Variants in CACNA1C observed in about 807,000 individuals in gnomAD.
CACNA1C encodes voltage-dependent L-type calcium channel subunit alpha-1C.
In CACNA1C, 30 loss-of-function variants were observed where a neutral mutation model predicts 229.0. That is an observed-to-expected ratio of 0.13 (90% CI 0.10 to 0.18). CACNA1C has a LOEUF of 0.18. Among genes scored for constraint, CACNA1C ranks in the 10% least tolerant of loss-of-function variants. The pLI is 1.00. For synonymous variants in CACNA1C, 1,114 were observed against 1,132.5 expected (o/e 0.98, Z 0.33); for missense variants, 1,658 against 2,845.0 (o/e 0.58, Z 9.49).
intron 6 of CACNA1C, among the ~76,000 whole-genome samples, chr12:2,489,013 A>G (rs1245818688): frequency 2.0e-5 from 3 of 152,250 alleles, no homozygotes; most frequent in Non-Finnish European, 2.9e-5. Context: ...GCCGTGGAGT[A>G]GAAGACCAAA....
chr12:2,596,329 G>T (rs1031932979), intron 20 of CACNA1C: 8 of 222,568 alleles, frequency 3.6e-5, no homozygotes, highest in Non-Finnish European at 6.1e-5. Flanking sequence ...GCCCTCCCTT[G>T]CTCCCAGCAT....
intron 3 of CACNA1C, among the ~76,000 whole-genome samples, chr12:2,333,044 G>A (rs2154515601): frequency 6.6e-6 from 1 of 152,266 alleles, no homozygotes; most frequent in South Asian, 2.1e-4. Flanking sequence ...GCAGCCCCTT[G>A]GACATGTTCC....
chr12:2,003,224 T>C (rs1034300400), intron 1 of CACNA1C, among the ~76,000 whole-genome samples: 2 of 152,186 alleles, frequency 1.3e-5, no homozygotes, highest in African/African-American at 4.8e-5. Flanking sequence ...TGCAGATAAG[T>C]AGGCTTATGA....
intron 3 of CACNA1C, among the ~76,000 whole-genome samples, chr12:2,340,192 T>C (rs1385582784): frequency 6.6e-6 from 1 of 152,260 alleles, no homozygotes; most frequent in African/African-American, 2.4e-5. Flanking sequence ...ATAATGTACA[T>C]AATAACATAT....
At chr12:2,571,377 C>A (rs1303683769) in intron 13 of CACNA1C, among the ~76,000 whole-genome samples, 2 of 152,184 alleles carry the variant, frequency 1.3e-5, no homozygotes, top group East Asian at 3.9e-4. Context: ...ATTCTACTTG[C>A]TCCTCCTGGG....
At chr12:2,292,844 C>T (rs1310710868) in intron 3 of CACNA1C, among the ~76,000 whole-genome samples, 4 of 152,006 alleles carry the variant, frequency 2.6e-5, no homozygotes, top group African/African-American at 7.3e-5. Flanking sequence ...CCATGCCCTG[C>T]GGCACCAGGC....
In CACNA1C at chr12:2,053,148, C is replaced by G. The variant is rs2052796390; in HGVS notation, c.-415C>G. The G allele has an allele frequency of 1.0e-6, 1 of 987,970 alleles. No individual in the cohort carries two copies. The highest frequency in any genetic ancestry group is 1.2e-6 in the Non-Finnish European group (1 of 831,894). 61.2% of individuals were successfully genotyped at this position (987,970 alleles called of 1,614,324 possible). On this transcript the variant is annotated 5_prime_UTR_variant, in exon 1 of 47. Transcript: ENST00000399655. This position sits in a 1 kb window ranked among gnomAD's most constrained non-coding sequence, Gnocchi z 5.8. Reference sequence around the variant, plus strand: ...GCCGGGCAGGGGCCTCAGGAGGACTCGCTGGGAGTGGGCAGAGGCGCCTCG... The same window carrying G: ...GCCGGGCAGGGGCCTCAGGAGGACTGGCTGGGAGTGGGCAGAGGCGCCTCG...
intron 1 of CACNA1C, among the ~76,000 whole-genome samples, chr12:2,110,681 C>A (rs2081296967): frequency 6.6e-6 from 1 of 152,164 alleles, no homozygotes; most frequent in Non-Finnish European, 1.5e-5. Flanking sequence ...GGTAGTTGTG[C>A]CACCCTGTTG....
intron 1 of CACNA1C, chr12:2,004,237 C>A: frequency 6.2e-7 from 1 of 1,609,342 alleles, no homozygotes; most frequent in African/African-American, 1.3e-5. Context: ...CCCCCCGCCT[C>A]CACCCCAACC....
chr12:2,022,890 T>C (rs1311898619), intron 1 of CACNA1C, among the ~76,000 whole-genome samples: 1 of 152,210 alleles, frequency 6.6e-6, no homozygotes, highest in Non-Finnish European at 1.5e-5. Context: ...TGTACTTAAA[T>C]AAATCATTCA....
intron 3 of CACNA1C, among the ~76,000 whole-genome samples, chr12:2,265,918 T>C (rs1354222290): frequency 6.6e-6 from 1 of 152,230 alleles, no homozygotes; most frequent in Middle Eastern, 3.2e-3. Context: ...TCCTGTGTTA[T>C]TTATCTCAGC....
intron 3 of CACNA1C, among the ~76,000 whole-genome samples, chr12:2,168,575 G>A (rs1597931432): frequency 6.6e-6 from 1 of 152,344 alleles, no homozygotes; most frequent in East Asian, 1.9e-4. Flanking sequence ...CAACACAAAT[G>A]AATGCACCAC....
At position 2,505,634 on chromosome 12, in the gene CACNA1C, C is replaced by T. The variant is rs1000473077; in HGVS notation, c.1217+689C>T. Among the ~76,000 whole-genome samples, 3 of 152,276 alleles carry T rather than the reference C, an allele frequency of 2.0e-5. No individual in the cohort carries two copies. In the South Asian group the frequency reaches 6.2e-4, roughly 32 times the overall value. ...GAGCTATGATCGTGCCACTGCACTGCAGCCTGGGCAACATAGCGAGACCCC... is the reference window on the plus strand; with the variant it reads ...GAGCTATGATCGTGCCACTGCACTGTAGCCTGGGCAACATAGCGAGACCCC... On this transcript the variant is annotated intron_variant, in intron 8 of 46. Coordinates refer to ENST00000399655, the MANE Select transcript of CACNA1C (RefSeq NM_000719.7).
Position 2,679,305 on chromosome 12 carries a change from C to G in CACNA1C, c.5092-139C>G. 1 of 631,852 alleles carries G rather than the reference C, an allele frequency of 1.6e-6. No individual in the cohort carries two copies. The highest frequency in any genetic ancestry group is 3.0e-5 in the Admixed American group (1 of 33,826). 39.1% of individuals were successfully genotyped at this position (631,852 alleles called of 1,614,324 possible). A position where few individuals can be genotyped will look rare whatever the true frequency, so the allele number is the denominator to read the frequency against. Reference sequence around the variant, plus strand: ...AAGGTCCTCAGGTGCTCCTGGCTCCCAGCAGGGCTGTGCCTACCCGAAAGA... The same window carrying G: ...AAGGTCCTCAGGTGCTCCTGGCTCCGAGCAGGGCTGTGCCTACCCGAAAGA... On this transcript the variant is annotated intron_variant, in intron 41 of 46. Transcript: ENST00000399655. This position sits in a 1 kb window ranked among gnomAD's most constrained non-coding sequence, Gnocchi z 5.5.
At chr12:2,660,398 C>T (rs1025399922) in intron 34 of CACNA1C, 4 of 152,286 alleles carry the variant, frequency 2.6e-5, no homozygotes, top group African/African-American at 9.7e-5. Flanking sequence ...TGATGTCCAT[C>T]AGTGAGTAAA....
intron 1 of CACNA1C, among the ~76,000 whole-genome samples, chr12:2,091,858 G>A (rs1331779747): frequency 6.6e-6 from 1 of 152,170 alleles, no homozygotes; most frequent in Non-Finnish European, 1.5e-5. Context: ...ACAGCATCTA[G>A]GGATCTGAAG....
chr12:2,669,177 T>C (rs1048439214), intron 38 of CACNA1C, 142 bp downstream of exon 38: 25 of 674,032 alleles, frequency 3.7e-5, no homozygotes, highest in Admixed American at 1.7e-4. Flanking sequence ...TAACGTGCGC[T>C]CCAGGACATC....
At chr12:2,201,691 A>G (rs2097582287) in intron 3 of CACNA1C, among the ~76,000 whole-genome samples, 1 of 152,226 alleles carries the variant, frequency 6.6e-6, no homozygotes, top group Non-Finnish European at 1.5e-5. Flanking sequence ...CCTAACAACA[A>G]GTTACTGTGT....
intron 9 of CACNA1C, among the ~76,000 whole-genome samples, chr12:2,535,551 A>G (rs1401854922): frequency 6.7e-6 from 1 of 149,940 alleles, no homozygotes; most frequent in Non-Finnish European, 1.5e-5. Context: ...AAAAAAAACA[A>G]AATAATTAGC....
Sources: gnomAD v4.1 joint callset for allele counts (sites outside exome capture counted in the v4.1 genomes callset) on GRCh38, gnomAD v4.1.1 for gene constraint, Gnocchi (gnomAD v3.1) non-coding constraint, MANE v1.5 for transcripts, NCBI Gene and HGNC (gene_info 2026-07-23, HGNC 2026-07-21) for gene names.